ATP10A: variants seen among roughly 807,000 people sequenced by gnomAD.
ATP10A encodes the protein phospholipid-transporting ATPase VA.
Under a neutral mutation model 147.8 loss-of-function variants are expected in ATP10A, and 111 were observed. That is an observed-to-expected ratio of 0.75 (90% confidence interval 0.64 to 0.88). The LOEUF is 0.88. ATP10A is among the 40% of genes least tolerant of loss of function. The probability of loss-of-function intolerance (pLI) is 0.00; values close to 1 mark genes in which losing one functional copy is unlikely to be tolerated. For synonymous variants in ATP10A, 875 were observed against 841.6 expected, an observed-to-expected ratio of 1.04 and a Z score of -0.69; for missense variants, 1,927 against 1,959.0, an observed-to-expected ratio of 0.98 and a Z score of 0.31.
intron 7 of ATP10A, among the ~76,000 whole-genome samples, chr15:25,719,300 T>C (rs1902059011): frequency 6.6e-6 from 1 of 152,148 alleles, no homozygotes. Flanking sequence ...ATAGACCCTC[T>C]GTGAGAGATG....
intron 1 of ATP10A, among the ~76,000 whole-genome samples, chr15:25,827,180 A>C (rs554473056): frequency 3.3e-4 from 50 of 152,334 alleles, no homozygotes; most frequent in African/African-American, 1.0e-3. Flanking sequence ...AAAACTACAC[A>C]AAATACATAG....
intron 10 of ATP10A, among the ~76,000 whole-genome samples, chr15:25,711,858 T>G (rs932554364): frequency 6.6e-6 from 1 of 152,176 alleles, no homozygotes; most frequent in African/African-American, 2.4e-5. Flanking sequence ...CTACCCCGAC[T>G]GTGAGTTTGA....
At chr15:25,800,495 G>A (rs1214909864) in intron 1 of ATP10A, among the ~76,000 whole-genome samples, 1 of 152,186 alleles carries the variant, frequency 6.6e-6, no homozygotes, top group African/African-American at 2.4e-5. Flanking sequence ...TTGTGACCCA[G>A]CGGTTGCAGC....
intron 1 of ATP10A, among the ~76,000 whole-genome samples, chr15:25,813,408 A>C (rs1400992276): frequency 6.6e-6 from 1 of 152,244 alleles, no homozygotes; most frequent in East Asian, 1.9e-4. Flanking sequence ...ACTTCTCTGC[A>C]TCCTAGAACA....
Position 25,790,474 on chromosome 15 carries a change from C to T in ATP10A, c.450-9251G>A, listed in dbSNP as rs139844292. ...CAGAAAGGGCTGAATGTTGTCCCAG[C>T]GGAACTCACCCCCAGAGGGCAGGGC... On this transcript the variant is annotated intron_variant, in intron 1 of 20. Coordinates refer to ENST00000555815, the MANE Select transcript of ATP10A (RefSeq NM_024490.4). Among the ~76,000 whole-genome samples, 426 of 152,196 alleles carry T rather than the reference C, an allele frequency of 2.8e-3. 5 individuals are homozygous for T. The highest frequency in any genetic ancestry group is 9.9e-3 in the African/African-American group (413 of 41,532).
chr15:25,760,848 C>A (rs760019891), intron 2 of ATP10A, among the ~76,000 whole-genome samples: 1 of 152,160 alleles, frequency 6.6e-6, no homozygotes, highest in South Asian at 2.1e-4. Flanking sequence ...TACATACATA[C>A]AAGCATACAT....
intron 1 of ATP10A, among the ~76,000 whole-genome samples, chr15:25,856,969 A>AG (rs1893544785): frequency 6.6e-6 from 1 of 152,234 alleles, no homozygotes; most frequent in Non-Finnish European, 1.5e-5. Context: ...TGCAAGGGAA[A>AG]AAAAGAAAGA....
intron 8 of ATP10A, 119 bp downstream of exon 8, chr15:25,718,063 C>T: frequency 8.8e-7 from 1 of 1,131,810 alleles, no homozygotes; most frequent in Non-Finnish European, 1.2e-6. Context: ...TGAGTAGAGC[C>T]AAGCCGCCCA....
intron 1 of ATP10A, among the ~76,000 whole-genome samples, chr15:25,830,840 G>A (rs1892324089): frequency 6.6e-6 from 1 of 152,126 alleles, no homozygotes; most frequent in African/African-American, 2.4e-5. Flanking sequence ...ACCTGCTCCT[G>A]GGAATCACTG....
intron 2 of ATP10A, among the ~76,000 whole-genome samples, chr15:25,757,326 A>C (rs2140609852): frequency 6.6e-6 from 1 of 152,192 alleles, no homozygotes; most frequent in African/African-American, 2.4e-5. Flanking sequence ...AAAATTGCAT[A>C]TTTCCTAGCT....
chr15:25,787,369 T>A (rs1194301530), intron 1 of ATP10A, among the ~76,000 whole-genome samples: 1 of 151,958 alleles, frequency 6.6e-6, no homozygotes, highest in Non-Finnish European at 1.5e-5. Flanking sequence ...ATCCCAGCAC[T>A]TTGGGAGGCT....
intron 5 of ATP10A, among the ~76,000 whole-genome samples, chr15:25,725,695 T>C (rs1183757032): frequency 1.3e-5 from 2 of 151,684 alleles, no homozygotes; most frequent in African/African-American, 4.8e-5. Context: ...AGTGCAGTGG[T>C]GCGATCTCAG....
chr15:25,747,936 C>A (rs991238979), intron 2 of ATP10A, among the ~76,000 whole-genome samples: 1 of 151,982 alleles, frequency 6.6e-6, no homozygotes, highest in East Asian at 1.9e-4. Flanking sequence ...CACAAAAGTA[C>A]AAGTCTATCT....
intron 17 of ATP10A, among the ~76,000 whole-genome samples, chr15:25,682,802 A>G (rs1465771976): frequency 2.0e-5 from 3 of 152,244 alleles, no homozygotes; most frequent in African/African-American, 7.2e-5. Context: ...AATTCAAGGC[A>G]AAGAAAAGCA....
chr15:25,760,558 A>C (rs1025504221), intron 2 of ATP10A, among the ~76,000 whole-genome samples: 4 of 152,368 alleles, frequency 2.6e-5, no homozygotes, highest in African/African-American at 9.6e-5. Flanking sequence ...GAAAGAATGG[A>C]AAGAATGAAA....
At chr15:25,864,247 C>T (rs554392954), upstream of ATP10A, among the ~76,000 whole-genome samples, 8 of 152,250 alleles carry the variant, frequency 5.3e-5, no homozygotes, top group Admixed American at 1.3e-4. Flanking sequence ...AGAATAAGCA[C>T]GGCATGGAAA....
intron 1 of ATP10A, among the ~76,000 whole-genome samples, chr15:25,830,729 C>T (rs574657279): frequency 1.3e-5 from 2 of 152,220 alleles, no homozygotes; most frequent in East Asian, 3.9e-4. Flanking sequence ...CCTGCATTGT[C>T]CCATGAGGTC....
intron 2 of ATP10A, among the ~76,000 whole-genome samples, chr15:25,770,168 G>T (rs11630833): frequency 0.75 from 112,019 of 149,262 alleles, 41,983 homozygotes; most frequent in Admixed American, 0.78. Context: ...GTGGGGAGGG[G>T]CCCCACCCAT....
chr15:25,857,443 T>C (rs1298253644), intron 1 of ATP10A, among the ~76,000 whole-genome samples: 2 of 152,170 alleles, frequency 1.3e-5, no homozygotes, highest in Non-Finnish European at 2.9e-5. Context: ...CAAGACTCTG[T>C]CTTAAAAAAT....
Sources: gnomAD v4.1 joint callset for allele counts (sites outside exome capture counted in the v4.1 genomes callset) on GRCh38, gnomAD v4.1.1 for gene constraint, MANE v1.5 for transcripts, NCBI Gene and HGNC (gene_info 2026-07-23, HGNC 2026-07-21) for gene names.